PTTG1IP2: variants seen among roughly 807,000 people sequenced by gnomAD.
The protein encoded by PTTG1IP2 is PTTG1IP family member 2.
chr7:90,505,796 A>T (rs1215671331), intron 6 of PTTG1IP2, among the ~76,000 whole-genome samples: 1 of 151,784 alleles, frequency 6.6e-6, no homozygotes, highest in Non-Finnish European at 1.5e-5. Flanking sequence ...CATCCTGGCT[A>T]ACAAGGTGAA....
At chr7:90,490,997 G>A (rs1055390464) in intron 4 of PTTG1IP2, among the ~76,000 whole-genome samples, 1 of 151,878 alleles carries the variant, frequency 6.6e-6, no homozygotes, top group Non-Finnish European at 1.5e-5. Flanking sequence ...ATTCTGTAGG[G>A]GTATTTATCT....
chr7:90,484,640 G>A (rs913099149), intron 2 of PTTG1IP2, among the ~76,000 whole-genome samples: 3 of 152,028 alleles, frequency 2.0e-5, no homozygotes, highest in African/African-American at 7.2e-5. Context: ...GTGAAGTTCT[G>A]GTCTTTGATA....
At position 90,470,963 on chromosome 7, in the gene PTTG1IP2, CAAAAAAAA is replaced by C. The variant is rs5885726; in HGVS notation, c.145+1042_145+1049del. Among the ~76,000 whole-genome samples, 306 of 108,122 alleles carry C rather than the reference CAAAAAAAA, an allele frequency of 2.8e-3. 1 individual carries two copies. The highest frequency in any genetic ancestry group is 3.2e-3 in the Non-Finnish European group (157 of 49,226). 70.9% of individuals were successfully genotyped at this position (108,122 alleles called of 152,430 possible). The stretch of plus-strand genomic sequence containing the variant: ...ACTTTATCAAAATGCTGATGAAGAA[CAAAAAAAA>C]AAAAAAAAAGAAAAAAGAAAGAAAA... On this transcript the variant is annotated intron_variant, in intron 1 of 6. Transcript: ENST00000509356.
intron 6 of PTTG1IP2, among the ~76,000 whole-genome samples, chr7:90,504,752 A>G (rs939418954): frequency 6.6e-6 from 1 of 152,238 alleles, no homozygotes; most frequent in African/African-American, 2.4e-5. Context: ...GAAAGAAGAT[A>G]TAAAGGGAAA....
chr7:90,478,111 A>G (rs897010938), intron 1 of PTTG1IP2, among the ~76,000 whole-genome samples: 30 of 151,604 alleles, frequency 2.0e-4, no homozygotes, highest in Middle Eastern at 3.4e-3. Context: ...AAAAAAAAAA[A>G]AAAAAGAAAA....
chr7:90,509,819 G>A (rs1033879600), intron 6 of PTTG1IP2, among the ~76,000 whole-genome samples: 2 of 152,270 alleles, frequency 1.3e-5, no homozygotes, highest in Middle Eastern at 3.4e-3. Flanking sequence ...GTGGTCAGGA[G>A]CACCAAATGC....
intron 6 of PTTG1IP2, among the ~76,000 whole-genome samples, chr7:90,511,309 T>TA (rs763970318): frequency 6.0e-4 from 91 of 152,334 alleles, no homozygotes; most frequent in Middle Eastern, 3.4e-3. Context: ...ACTAATAACT[T>TA]AGAGAACAGA....
chr7:90,502,291 G>C (rs1265275501), intron 6 of PTTG1IP2, among the ~76,000 whole-genome samples: 1 of 152,198 alleles, frequency 6.6e-6, no homozygotes, highest in Non-Finnish European at 1.5e-5. Context: ...GGGATTATAG[G>C]CATGTGCCAC....
chr7:90,498,743 C>A (rs144609651), intron 6 of PTTG1IP2, among the ~76,000 whole-genome samples: 1 of 152,096 alleles, frequency 6.6e-6, no homozygotes, highest in Non-Finnish European at 1.5e-5. Flanking sequence ...TTCCTAATAC[C>A]ATAATGTTTT....
chr7:90,507,333 G>A (rs1288863528), intron 6 of PTTG1IP2, among the ~76,000 whole-genome samples: 1 of 152,164 alleles, frequency 6.6e-6, no homozygotes, highest in Non-Finnish European at 1.5e-5. Flanking sequence ...AAGCATTTTT[G>A]AGGAGTTAGG....
chr7:90,477,647 A>C (rs780138417), intron 1 of PTTG1IP2, among the ~76,000 whole-genome samples: 1 of 152,194 alleles, frequency 6.6e-6, no homozygotes, highest in South Asian at 2.1e-4. Flanking sequence ...AGGAGACATG[A>C]TGACTAAAGG....
intron 4 of PTTG1IP2, among the ~76,000 whole-genome samples, chr7:90,489,666 C>G (rs1285100517): frequency 6.6e-6 from 1 of 151,778 alleles, no homozygotes; most frequent in East Asian, 1.9e-4. Context: ...TATAATTTCA[C>G]TCTAAAATTT....
At chr7:90,476,018 A>G (rs1797744883) in intron 1 of PTTG1IP2, among the ~76,000 whole-genome samples, 1 of 152,192 alleles carries the variant, frequency 6.6e-6, no homozygotes, top group African/African-American at 2.4e-5. Flanking sequence ...GAACATATTA[A>G]CAGACTAAGC....
chr7:90,474,735 A>C lies in PTTG1IP2; in HGVS notation c.146-4493A>C, dbSNP rs113088090. On this transcript the variant is annotated intron_variant, in intron 1 of 6. Transcript: ENST00000509356. Reference sequence around the variant, plus strand: ...TGGCAGCATGTCCCAGTCCTCACCCACACCACAGAGGTGGAAATAGCCTAT... The same window carrying C: ...TGGCAGCATGTCCCAGTCCTCACCCCCACCACAGAGGTGGAAATAGCCTAT... Among the ~76,000 whole-genome samples, 235 of 152,332 alleles carry C rather than the reference A, an allele frequency of 1.5e-3. 2 individuals carry two copies. Among genetic ancestry groups the C allele is most frequent in the African/African-American group, 4.9e-3 (202 of 41,566 alleles).
intron 6 of PTTG1IP2, among the ~76,000 whole-genome samples, chr7:90,504,925 A>G (rs1028757257): frequency 2.0e-5 from 3 of 152,206 alleles, no homozygotes; most frequent in Non-Finnish European, 1.5e-5. Context: ...TTTGTTTGGT[A>G]GAAACAACGA....
chr7:90,506,608 A>T (rs112690610), intron 6 of PTTG1IP2, among the ~76,000 whole-genome samples: 163 of 152,080 alleles, frequency 1.1e-3, no homozygotes, highest in African/African-American at 2.7e-3. Flanking sequence ...ACTAAAAAAA[A>T]TTTTTTTAAT....
intron 3 of PTTG1IP2, among the ~76,000 whole-genome samples, chr7:90,488,449 G>A (rs1421300976): frequency 6.6e-6 from 1 of 152,014 alleles, no homozygotes; most frequent in Non-Finnish European, 1.5e-5. Flanking sequence ...TTTGCAGCAA[G>A]CATTGGTTGT....
intron 5 of PTTG1IP2, among the ~76,000 whole-genome samples, chr7:90,492,872 C>T (rs1797954238): frequency 6.6e-6 from 1 of 152,128 alleles, no homozygotes; most frequent in Admixed American, 6.5e-5. Context: ...CCTATCCGCT[C>T]TCCTCAACTC....
At chr7:90,504,449 G>T (rs933937815) in intron 6 of PTTG1IP2, among the ~76,000 whole-genome samples, 1 of 152,078 alleles carries the variant, frequency 6.6e-6, no homozygotes, top group African/African-American at 2.4e-5. Context: ...CTTTATAAAG[G>T]TCCAGGTAGT....
Sources: gnomAD v4.1 joint callset for allele counts (sites outside exome capture counted in the v4.1 genomes callset) on GRCh38, gnomAD v4.1.1 for gene constraint, MANE v1.5 for transcripts, NCBI Gene and HGNC (gene_info 2026-07-23, HGNC 2026-07-21) for gene names.